MMRN1: variants seen among roughly 807,000 people sequenced by gnomAD.
MMRN1 encodes multimerin-1.
In MMRN1, 94 loss-of-function variants were observed where a neutral mutation model predicts 100.7. The observed-to-expected ratio is 0.93, with a 90% CI of 0.79 to 1.11. The LOEUF is 1.11. Among genes scored for constraint, MMRN1 ranks in the 50% least tolerant of loss-of-function variants. MMRN1 has a pLI of 0.00. For synonymous variants in MMRN1, 575 were observed against 505.0 expected (o/e 1.14, Z -1.86); for missense variants, 1,606 against 1,439.1 (o/e 1.12, Z -1.88).
In MMRN1 at chr4:89,954,012, T is replaced by G. The variant is rs1431112053; in HGVS notation, c.*594T>G. The G allele has an allele frequency of 6.6e-6, 1 of 152,376 alleles. No individual in the cohort carries two copies. Among genetic ancestry groups the G allele is most frequent in the East Asian group, 1.9e-4 (1 of 5,190 alleles). The allele number at this position is 152,376 out of a possible 1,614,324, so 9.4% of individuals were successfully genotyped here. A position where few individuals can be genotyped will look rare whatever the true frequency, so the allele number is the denominator to read the frequency against. On this transcript the variant is annotated 3_prime_UTR_variant, in exon 8 of 8. Coordinates refer to ENST00000264790, the MANE Select transcript of MMRN1 (RefSeq NM_007351.3). ...TTCTCTTCCTATAATTCTCTAATTA[T>G]AACATAGTAATTTACATGTAGTTGG...
rs367591949 is a variant in MMRN1, at chr4:89,936,015, T to C, written c.2335T>C (p.Phe779Leu). ...AACTATTTTGACATTTATTCCTCAGTTCCACCGTCTGAATGATTCTATTCA... is the reference window on the plus strand; with the variant it reads ...AACTATTTTGACATTTATTCCTCAGCTCCACCGTCTGAATGATTCTATTCA... The part of the protein sequence containing the change: ...METILTFIPQ[F>L]HRLNDSIQTL... The change falls in exon 6 of 8, where the codon TTC (phenylalanine) becomes CTC (leucine). Residue 779 changes from phenylalanine (F) to leucine (L), a missense_variant. Transcript: ENST00000264790. 29 of 1,613,104 alleles carry C rather than the reference T, an allele frequency of 1.8e-5. No individual in the cohort carries two copies. The highest frequency in any genetic ancestry group is 2.5e-5 in the Non-Finnish European group (29 of 1,179,602).
At chr4:89,931,580 G>GA (rs1462872436) in intron 5 of MMRN1, among the ~76,000 whole-genome samples, 6 of 152,078 alleles carry the variant, frequency 3.9e-5, no homozygotes, top group African/African-American at 1.5e-4. Flanking sequence ...AATTTATATA[G>GA]AAAAAGAGGT....
At chr4:89,888,266 A>T (rs567375593) in intron 1 of MMRN1, among the ~76,000 whole-genome samples, 1 of 151,940 alleles carries the variant, frequency 6.6e-6, no homozygotes, top group Non-Finnish European at 1.5e-5. Context: ...CCTATTAAAG[A>T]TGTCTTTATT....
At chr4:89,912,839 A>G (rs971276359) in intron 3 of MMRN1, among the ~76,000 whole-genome samples, 7 of 151,256 alleles carry the variant, frequency 4.6e-5, no homozygotes, top group African/African-American at 1.7e-4. Flanking sequence ...GAAAATTATA[A>G]TACAAAAGCT....
intron 6 of MMRN1, among the ~76,000 whole-genome samples, chr4:89,940,862 A>C (rs1722801089): frequency 6.6e-6 from 1 of 152,160 alleles, no homozygotes; most frequent in South Asian, 2.1e-4. Context: ...CATAGTTTAC[A>C]AACTTATAGC....
chr4:89,896,855 A>C (rs1721221441), intron 1 of MMRN1, among the ~76,000 whole-genome samples: 1 of 152,150 alleles, frequency 6.6e-6, no homozygotes, highest in South Asian at 2.1e-4. Flanking sequence ...TATATAAGTA[A>C]ATCTGATTGT....
chr4:89,912,270 A>G (rs10011790), intron 3 of MMRN1, among the ~76,000 whole-genome samples: 44,149 of 151,056 alleles, frequency 0.29, 7,254 homozygotes, highest in Non-Finnish European at 0.37. Flanking sequence ...TGTTGGATTT[A>G]TATGATGAGC....
intron 6 of MMRN1, among the ~76,000 whole-genome samples, chr4:89,940,405 G>T (rs994928724): frequency 3.3e-5 from 5 of 151,950 alleles, no homozygotes; most frequent in Non-Finnish European, 7.4e-5. Flanking sequence ...TAAAACATTT[G>T]GTAGTGTTTT....
intron 1 of MMRN1, among the ~76,000 whole-genome samples, chr4:89,900,481 T>A (rs762198750): frequency 5.9e-5 from 9 of 152,142 alleles, no homozygotes; most frequent in Non-Finnish European, 1.3e-4. Flanking sequence ...CCACCCAATG[T>A]AAAGTTAACT....
chr4:89,937,240 T>C (rs1433364322), intron 6 of MMRN1, among the ~76,000 whole-genome samples: 1 of 152,042 alleles, frequency 6.6e-6, no homozygotes, highest in Admixed American at 6.6e-5. Context: ...AGGAAATAGA[T>C]TTGGGTAAAT....
At chr4:89,900,254 G>T (rs942887740) in intron 1 of MMRN1, among the ~76,000 whole-genome samples, 1 of 151,994 alleles carries the variant, frequency 6.6e-6, no homozygotes, top group Non-Finnish European at 1.5e-5. Flanking sequence ...GTGAAATTTG[G>T]TCTTTCATTC....
chr4:89,935,602 A>T lies in MMRN1; in HGVS notation c.1922A>T (p.Asp641Val). Residue 641 changes from aspartate to valine, a missense_variant, in exon 6 of 8, where the codon GAT (aspartate) becomes GTT (valine). Transcript: ENST00000264790. ...KMDKMSEQLN[D>V]LTYDMEILQP... The stretch of plus-strand genomic sequence containing the variant: ...GACAAAATGAGTGAGCAACTAAATG[A>T]TTTGACTTATGATATGGAGATCCTT... The T allele has an allele frequency of 6.2e-7, 1 of 1,613,600 alleles. No homozygotes were observed.
intron 4 of MMRN1, among the ~76,000 whole-genome samples, chr4:89,925,783 A>G (rs1722238214): frequency 6.6e-6 from 1 of 152,050 alleles, no homozygotes; most frequent in Admixed American, 6.6e-5. Context: ...ACCTCACTCC[A>G]ATCAGCCATT....
At chr4:89,951,238 C>T (rs143204781) in intron 6 of MMRN1, among the ~76,000 whole-genome samples, 4 of 152,136 alleles carry the variant, frequency 2.6e-5, no homozygotes, top group Admixed American at 6.5e-5. Flanking sequence ...CACCATGTAT[C>T]GAACAGATAT....
rs1174427728 is a variant in MMRN1 at position 89,912,050 on chromosome 4, G to A, written c.850G>A (p.Ala284Thr). The change falls in exon 3 of 8, where the codon GCC becomes ACC. Residue 284 changes from alanine to threonine, a missense_variant and splice_region_variant. Transcript: ENST00000264790. The part of the protein sequence containing the change: ...GYSGPKCQLR[A>T]QEQQSLIHTN... The stretch of plus-strand genomic sequence containing the variant: ...CAGTGGGCCGAAATGTCAACTAAGA[G>A]GTACACTCTAATATTAATAATCACA... The A allele has an allele frequency of 3.2e-6, 5 of 1,560,268 alleles. No homozygotes were observed. Among genetic ancestry groups the A allele is most frequent in the Non-Finnish European group, 1.8e-6 (2 of 1,142,534 alleles).
intron 1 of MMRN1, among the ~76,000 whole-genome samples, chr4:89,901,028 A>C (rs1190268044): frequency 6.6e-6 from 1 of 151,920 alleles, no homozygotes; most frequent in Non-Finnish European, 1.5e-5. Flanking sequence ...AAAAAGACAA[A>C]ATGAGGACTG....
chr4:89,902,555 G>A (rs980551859), intron 1 of MMRN1, among the ~76,000 whole-genome samples: 3 of 151,896 alleles, frequency 2.0e-5, no homozygotes, highest in Non-Finnish European at 2.9e-5. Context: ...CATTCGGCTC[G>A]TTCTCATAAA....
At chr4:89,930,000 C>A (rs1189261897) in intron 5 of MMRN1, among the ~76,000 whole-genome samples, 1 of 152,138 alleles carries the variant, frequency 6.6e-6, no homozygotes, top group East Asian at 1.9e-4. Context: ...TTCACAATTA[C>A]AGAAGGTGAA....
intron 1 of MMRN1, among the ~76,000 whole-genome samples, chr4:89,899,255 A>G (rs1721306993): frequency 6.6e-6 from 1 of 151,714 alleles, no homozygotes; most frequent in South Asian, 2.1e-4. Flanking sequence ...AAATAGACCT[A>G]TGGTTTCCTG....
Sources: allele counts gnomAD v4.1 joint callset (sites outside exome capture counted in the v4.1 genomes callset), GRCh38; gene constraint gnomAD v4.1.1; transcripts MANE v1.5; gene names NCBI Gene and HGNC (gene_info 2026-07-23, HGNC 2026-07-21).